Variants in PNPLA7 observed in about 807,000 individuals in gnomAD.
The protein encoded by PNPLA7 is patatin like domain 7, lysophospholipase.
In PNPLA7, 153 loss-of-function variants were observed where a neutral mutation model predicts 161.7. The observed-to-expected ratio is 0.95, with a 90% CI of 0.83 to 1.08. PNPLA7 has a LOEUF of 1.08. PNPLA7 is among the 50% of genes least tolerant of loss of function. The pLI, the probability that PNPLA7 is intolerant of heterozygous loss-of-function variation, is 0.00. For synonymous variants in PNPLA7, 809 were observed against 782.1 expected, an observed-to-expected ratio of 1.03 and a Z score of -0.57; for missense variants, 1,739 against 1,856.6, an observed-to-expected ratio of 0.94 and a Z score of 1.16.
chr9:137,467,592 G>C lies in PNPLA7; in HGVS notation c.2883-119C>G. The C allele has an allele frequency of 7.6e-7, 1 of 1,323,322 alleles. No homozygotes were observed. Among genetic ancestry groups the C allele is most frequent in the Non-Finnish European group, 1.0e-6 (1 of 976,208 alleles). The allele number at this position is 1,323,322 out of a possible 1,614,324, so 82.0% of individuals were successfully genotyped here. ...CCACAGGCAGAGACGCTGACGCAGA[G>C]AGGGACTCCAGATGCAGTTTAAAAC... On this transcript the variant is annotated intron_variant, in intron 25 of 34. Coordinates refer to ENST00000406427, the MANE Select transcript of PNPLA7 (RefSeq NM_001098537.3). This position sits in a 1 kb window ranked among gnomAD's most constrained non-coding sequence, Gnocchi z 5.1.
At chr9:137,532,649 T>A (rs190700192) in intron 8 of PNPLA7, among the ~76,000 whole-genome samples, 137 of 152,110 alleles carry the variant, frequency 9.0e-4, no homozygotes, top group African/African-American at 2.7e-3. Context: ...GACACTTGGT[T>A]TTAGAGGTGC....
intron 8 of PNPLA7, among the ~76,000 whole-genome samples, chr9:137,529,714 G>A (rs532370508): frequency 6.8e-6 from 1 of 146,762 alleles, no homozygotes; most frequent in South Asian, 2.2e-4. Context: ...CTGGAGTGTA[G>A]TGGCACGATC....
chr9:137,522,303 T>G (rs1195488889), intron 9 of PNPLA7, among the ~76,000 whole-genome samples: 1 of 150,330 alleles, frequency 6.7e-6, no homozygotes, highest in Non-Finnish European at 1.5e-5. Flanking sequence ...CTCGATCTCC[T>G]GACCTCGTGA....
chr9:137,504,349 T>G (rs894050211), intron 14 of PNPLA7, among the ~76,000 whole-genome samples: 3 of 152,142 alleles, frequency 2.0e-5, no homozygotes, highest in African/African-American at 7.2e-5. Flanking sequence ...GTAGCTGGGA[T>G]TACAGGCACG....
chr9:137,484,684 C>A lies in PNPLA7; in HGVS notation c.2250G>T (p.Pro750=). The A allele has an allele frequency of 6.2e-7, 1 of 1,612,356 alleles. No homozygotes were observed. Among genetic ancestry groups the A allele is most frequent in the Non-Finnish European group, 8.5e-7 (1 of 1,179,320 alleles). ...CTGCCACCGTGGACAGGTTGACAGCCGGGTTCCCCAAGTCCCACTTGCTGC... is the reference window on the plus strand; with the variant it reads ...CTGCCACCGTGGACAGGTTGACAGCAGGGTTCCCCAAGTCCCACTTGCTGC... ...TEGSKWDLGN[P]AVNLSTVAVM... Residue 750 remains proline, a synonymous_variant, in exon 21 of 35, where the codon CCG becomes CCT. Transcript: ENST00000406427.
At chr9:137,465,182 C>T (rs1231563572) in intron 26 of PNPLA7, among the ~76,000 whole-genome samples, 4 of 152,152 alleles carry the variant, frequency 2.6e-5, no homozygotes, top group South Asian at 2.1e-4. Context: ...GCAGTGAGAA[C>T]GCCTCGGCCA....
rs553960639 is a variant in PNPLA7, at chr9:137,463,510, C to G, written c.3248G>C (p.Arg1083Pro). ...GTAACCGGACAGGGACATGCTGGCACGCACGTACCACCACAGGGAGCCTGG... is the reference window on the plus strand; with the variant it reads ...GTAACCGGACAGGGACATGCTGGCAGGCACGTACCACCACAGGGAGCCTGG... Reference protein sequence around the residue: ...HTDGSLWWYVRASMSLSGYMP... With the variant: ...HTDGSLWWYVPASMSLSGYMP... Residue 1083 changes from arginine to proline, a missense_variant, in exon 29 of 35, where the codon CGT (arginine) becomes CCT (proline). Physicochemically the swap from Arg to Pro is moderately radical, Grantham distance 103. This residue lies in a region of PNPLA7 where 703 missense variants were observed against 694.6 expected (regional missense o/e 1.01). Transcript: ENST00000406427. 9 of 1,585,494 alleles carry G rather than the reference C, an allele frequency of 5.7e-6. No homozygotes were observed. The highest frequency in any genetic ancestry group is 3.6e-5 in the Admixed American group (2 of 55,314).
intron 12 of PNPLA7, among the ~76,000 whole-genome samples, chr9:137,506,790 G>A (rs1564330187): frequency 6.6e-6 from 1 of 152,246 alleles, no homozygotes; most frequent in Admixed American, 6.5e-5. Context: ...TGGATTCTGA[G>A]GAAGGGTGCA....
chr9:137,538,333 G>A lies in PNPLA7; in HGVS notation c.747+2309C>T, dbSNP rs911788701. Reference sequence around the variant, plus strand: ...CACCCCAGGCCCCAAACAGCTCAAAGCGCACCTGTGCCCATCTGCCGGGGA... The same window carrying A: ...CACCCCAGGCCCCAAACAGCTCAAAACGCACCTGTGCCCATCTGCCGGGGA... On this transcript the variant is annotated intron_variant, in intron 8 of 34. Coordinates refer to ENST00000406427, the MANE Select transcript of PNPLA7 (RefSeq NM_001098537.3). Among the ~76,000 whole-genome samples, 3 of 152,064 alleles carry A rather than the reference G, an allele frequency of 2.0e-5. No individual in the cohort carries two copies. The East Asian group carries it at 5.8e-4, about 29-fold the overall frequency.
In PNPLA7 at chr9:137,480,312, C is replaced by G. The variant is rs1832151040; in HGVS notation, c.2580G>C (p.Glu860Asp). ...CTCCACCGGCCCTCCCCGTGCTCAC[C>G]TCGCCCACTGTGGGCTCCTGGTCAC... ...GLGDQEPTVG[E>D]LERMLESTAV... Residue 860 changes from glutamate to aspartate, a missense_variant and splice_region_variant, in exon 23 of 35, where the codon GAG becomes GAC. Glu to Asp is a conservative substitution (Grantham distance 45). Coordinates refer to ENST00000406427, the MANE Select transcript of PNPLA7 (RefSeq NM_001098537.3). The G allele has an allele frequency of 1.2e-6, 2 of 1,611,660 alleles. No homozygotes were observed. Among genetic ancestry groups the G allele is most frequent in the South Asian group, 1.1e-5 (1 of 90,964 alleles).
intron 20 of PNPLA7, among the ~76,000 whole-genome samples, chr9:137,487,551 G>A (rs916640562): frequency 1.3e-5 from 2 of 152,278 alleles, no homozygotes. Flanking sequence ...GCAGCTGTAA[G>A]AGGGAGGCGC....
chr9:137,515,416 C>T lies in PNPLA7; in HGVS notation c.1188G>A (p.Lys396=). 6.2e-7 allele frequency: 1 copy of T among 1,604,064 alleles called. No homozygotes were observed. Among genetic ancestry groups the T allele is most frequent in the Non-Finnish European group, 8.5e-7 (1 of 1,176,414 alleles). Residue 396 remains lysine, a synonymous_variant, in exon 12 of 35, where the codon AAG becomes AAA. Coordinates refer to ENST00000406427, the MANE Select transcript of PNPLA7 (RefSeq NM_001098537.3). Reference sequence around the variant, plus strand: ...AAGGGTCAGGGTCACCTGCCCCGGGCTTCTCCAGCTCCTCCAAGATCTGTT... The same window carrying T: ...AAGGGTCAGGGTCACCTGCCCCGGGTTTCTCCAGCTCCTCCAAGATCTGTT... ...IRKQILEELE[K]PGAGDPDPSA... is the part of the protein sequence containing the mutation.
intron 19 of PNPLA7, among the ~76,000 whole-genome samples, chr9:137,493,771 T>C (rs537533329): frequency 2.0e-5 from 3 of 152,148 alleles, no homozygotes; most frequent in Non-Finnish European, 4.4e-5. Flanking sequence ...AGGACAAAGA[T>C]GGAGGAGTGG....
chr9:137,522,619 G>A, intron 9 of PNPLA7, 110 bp downstream of exon 9: 1 of 1,242,400 alleles, frequency 8.0e-7, no homozygotes, highest in South Asian at 1.4e-5. Flanking sequence ...GTAAAGCTCA[G>A]AACTGAGAAA....
rs927201306 is a variant in PNPLA7, at chr9:137,523,657, C to T, written c.748-800G>A. Among the ~76,000 whole-genome samples the T allele has an allele frequency of 1.6e-4, 24 of 150,136 alleles. No individual in the cohort carries two copies. The highest frequency in any genetic ancestry group is 7.0e-3 in the Middle Eastern group (2 of 284). ...TTTTTTTTTTTTTGAGACAGAGTCT[C>T]GTTCTGTCGTCCAGGCTGGAGTGCA... On this transcript the variant is annotated intron_variant, in intron 8 of 34. Transcript: ENST00000406427. The surrounding 1 kb of genome is among the most constrained non-coding windows in gnomAD (Gnocchi z 4.4).
In PNPLA7 at chr9:137,540,586, C is replaced by A; in HGVS notation, c.747+56G>T. The A allele has an allele frequency of 6.8e-7, 1 of 1,473,470 alleles. No homozygotes were observed. Among genetic ancestry groups the A allele is most frequent in the South Asian group, 1.2e-5 (1 of 84,290 alleles). The allele number at this position is 1,473,470 out of a possible 1,614,324, so 91.3% of individuals were successfully genotyped here. A position where few individuals can be genotyped will look rare whatever the true frequency, so the allele number is the denominator to read the frequency against. ...AGCTGTCCAGACAAGACAGAAAAAC[C>A]AGGCCTCCGGGGCCAACCCAGGGGC... is the stretch of plus-strand genomic sequence containing the variant. On this transcript the variant is annotated intron_variant, in intron 8 of 34. Coordinates refer to ENST00000406427, the MANE Select transcript of PNPLA7 (RefSeq NM_001098537.3). This position sits in a 1 kb window ranked among gnomAD's most constrained non-coding sequence, Gnocchi z 5.1.
In PNPLA7 at chr9:137,543,399, G is replaced by A. The variant is rs1436811826; in HGVS notation, c.506+33C>T. 1 of 1,613,374 alleles carries A rather than the reference G, an allele frequency of 6.2e-7. No homozygotes were observed. Among genetic ancestry groups the A allele is most frequent in the African/African-American group, 1.3e-5 (1 of 74,930 alleles). ...CGAGAAGCCCGGGGCTATGGGAGCT[G>A]CCGCAGCCCCCGGGGCTCATCCCCG... On this transcript the variant is annotated intron_variant, in intron 6 of 34. Coordinates refer to ENST00000406427, the MANE Select transcript of PNPLA7 (RefSeq NM_001098537.3). This position sits in a 1 kb window ranked among gnomAD's most constrained non-coding sequence, Gnocchi z 6.9.
At position 137,502,061 on chromosome 9, in the gene PNPLA7, C is replaced by T. The variant is rs1366084904; in HGVS notation, c.1474-334G>A. Among the ~76,000 whole-genome samples, 5 of 152,374 alleles carry T rather than the reference C, an allele frequency of 3.3e-5. No individual in the cohort carries two copies. In the East Asian group the frequency reaches 9.6e-4, roughly 29 times the overall value. On this transcript the variant is annotated intron_variant, in intron 14 of 34. Coordinates refer to ENST00000406427, the MANE Select transcript of PNPLA7 (RefSeq NM_001098537.3). ...AAGGGTGATTTCTTTATAAGTGGTG[C>T]TGGCATAGCCAGCAGTGGGATGCCT...
At position 137,484,591 on chromosome 9, in the gene PNPLA7, G is replaced by A; in HGVS notation, c.2343C>T (p.Ala781=). 1 of 1,601,106 alleles carries A rather than the reference G, an allele frequency of 6.2e-7. No individual in the cohort carries two copies. The highest frequency in any genetic ancestry group is 8.5e-7 in the Non-Finnish European group (1 of 1,171,214). Residue 781 remains alanine (A), a synonymous_variant, in exon 21 of 35, where the codon GCC becomes GCT. Coordinates refer to ENST00000406427, the MANE Select transcript of PNPLA7 (RefSeq NM_001098537.3). ...GGCTGGGAGGCTCAGGCTTACCGAT[G>A]GCGCTGAGGGCATGCTCCAGCTCCA... ...FALELEHALS[A]IGPTLLLTSD...
Sources: allele counts gnomAD v4.1 joint callset (sites outside exome capture counted in the v4.1 genomes callset), GRCh38; gene constraint gnomAD v4.1.1; regional missense constraint gnomAD v4.1.1; non-coding constraint Gnocchi (gnomAD v3.1); transcripts MANE v1.5; gene names NCBI Gene and HGNC (gene_info 2026-07-23, HGNC 2026-07-21).